The following CHST3 variants were observed in gnomAD, a reference collection of about 807,000 sequenced individuals.
The protein encoded by CHST3 is C6ST-1.
A neutral mutation model predicts 35.4 loss-of-function variants in CHST3; 20 were observed. The observed-to-expected ratio is 0.57, with a 90% CI of 0.40 to 0.82. The LOEUF is 0.82. Ranked by LOEUF, CHST3 falls within the 40% of genes least tolerant of loss-of-function variation. CHST3 has a pLI of 0.00. For synonymous variants in CHST3, 334 were observed against 295.9 expected, an observed-to-expected ratio of 1.13 and a Z score of -1.32; for missense variants, 693 against 670.1, an observed-to-expected ratio of 1.03 and a Z score of -0.38.
intron 1 of CHST3, among the ~76,000 whole-genome samples, chr10:71,992,303 G>A (rs968137588): frequency 2.6e-5 from 4 of 151,982 alleles, no homozygotes; most frequent in South Asian, 2.1e-4. Flanking sequence ...TCAGCCTTCC[G>A]AGTAGTTGGA....
At chr10:71,988,115 G>C (rs1208145935) in intron 1 of CHST3, among the ~76,000 whole-genome samples, 1 of 152,148 alleles carries the variant, frequency 6.6e-6, no homozygotes, top group Non-Finnish European at 1.5e-5. Flanking sequence ...GTTGATGATT[G>C]ATAAAACTGA....
At position 72,009,544 on chromosome 10, in the gene CHST3, G is replaced by A. The variant is rs536272249; in HGVS notation, c.*1073G>A. The stretch of plus-strand genomic sequence containing the variant: ...GGCAGAAGCAGCTGTGGTCCCTGGA[G>A]GCAAAAGGCAGCTCACGGGGCCTTC... On this transcript the variant is annotated 3_prime_UTR_variant, in exon 3 of 3. Coordinates refer to ENST00000373115, the MANE Select transcript of CHST3 (RefSeq NM_004273.5). 1 of 152,410 alleles carries A rather than the reference G, an allele frequency of 6.6e-6. No homozygotes were observed. Among genetic ancestry groups the A allele is most frequent in the African/African-American group, 2.4e-5 (1 of 41,582 alleles). The allele number at this position is 152,410 out of a possible 1,614,324, so 9.4% of individuals were successfully genotyped here. A position where few individuals can be genotyped will look rare whatever the true frequency, so the allele number is the denominator to read the frequency against.
intron 1 of CHST3, among the ~76,000 whole-genome samples, chr10:71,989,293 T>A (rs777248109): frequency 4.6e-5 from 7 of 152,162 alleles, no homozygotes; most frequent in African/African-American, 7.2e-5. Context: ...AAGCTTTTTT[T>A]AAAAATAGCG....
chr10:71,978,606 G>T (rs770430918), intron 1 of CHST3, among the ~76,000 whole-genome samples: 1 of 152,298 alleles, frequency 6.6e-6, no homozygotes, highest in African/African-American at 2.4e-5. Flanking sequence ...TTCTAGAAGC[G>T]CACACATCGA....
At chr10:71,965,770 C>T (rs1172633731) in intron 1 of CHST3, among the ~76,000 whole-genome samples, 2 of 152,170 alleles carry the variant, frequency 1.3e-5, no homozygotes, top group Admixed American at 6.5e-5. Flanking sequence ...GCCAGTGGGC[C>T]TCTGCTGGGT....
rs1393862593 is a variant in CHST3 at position 72,009,514 on chromosome 10, T to A, written c.*1043T>A. On this transcript the variant is annotated 3_prime_UTR_variant, in exon 3 of 3. Coordinates refer to ENST00000373115, the MANE Select transcript of CHST3 (RefSeq NM_004273.5). ...CCATATTTGAAGGCTGCCTCAGGCC[T>A]GGCAGGCAGAAGCAGCTGTGGTCCC... The A allele has an allele frequency of 6.6e-6, 1 of 152,202 alleles. No homozygotes were observed. The highest frequency in any genetic ancestry group is 1.5e-5 in the Non-Finnish European group (1 of 68,040). 9.4% of individuals were successfully genotyped at this position (152,202 alleles called of 1,614,324 possible). A position where few individuals can be genotyped will look rare whatever the true frequency, so the allele number is the denominator to read the frequency against.
At chr10:71,982,375 A>G (rs771745042) in intron 1 of CHST3, among the ~76,000 whole-genome samples, 6 of 152,256 alleles carry the variant, frequency 3.9e-5, no homozygotes, top group Non-Finnish European at 8.8e-5. Context: ...ACTCTCCAGA[A>G]GGAACCCAGG....
At chr10:71,971,968 C>G (rs943778230) in intron 1 of CHST3, among the ~76,000 whole-genome samples, 5 of 152,192 alleles carry the variant, frequency 3.3e-5, no homozygotes, top group African/African-American at 9.7e-5. Context: ...CATGCTATTT[C>G]TCTTTCACTT....
intron 1 of CHST3, among the ~76,000 whole-genome samples, chr10:71,972,880 C>T (rs974810179): frequency 6.6e-6 from 1 of 152,190 alleles, no homozygotes; most frequent in Non-Finnish European, 1.5e-5. Flanking sequence ...CATGGCTGCC[C>T]ACAGGTCCCC....
intron 1 of CHST3, among the ~76,000 whole-genome samples, chr10:72,001,513 G>T (rs544690890): frequency 9.7e-4 from 147 of 151,986 alleles, no homozygotes; most frequent in African/African-American, 3.5e-3. Flanking sequence ...TACTCTGGGT[G>T]CCTAGGCTGG....
chr10:71,969,396 G>A (rs1181137030), intron 1 of CHST3, among the ~76,000 whole-genome samples: 1 of 152,232 alleles, frequency 6.6e-6, no homozygotes, highest in African/African-American at 2.4e-5. Flanking sequence ...CCCAAGGGCT[G>A]AGAGTGGTTA....
At chr10:72,003,717 A>AAGG (rs1554817249) in intron 1 of CHST3, among the ~76,000 whole-genome samples, 7 of 149,348 alleles carry the variant, frequency 4.7e-5, no homozygotes, top group African/African-American at 1.5e-4. Context: ...AAAAAAAAAA[A>AAGG]GGGAATAGAC....
At chr10:72,000,297 A>G (rs1839980915) in intron 1 of CHST3, among the ~76,000 whole-genome samples, 1 of 152,204 alleles carries the variant, frequency 6.6e-6, no homozygotes, top group African/African-American at 2.4e-5. Flanking sequence ...AGTTCTGGGC[A>G]CTGGAGATGC....
rs1052557339 is a variant in CHST3, at chr10:72,008,401, G to C, written c.1370G>C (p.Arg457Pro). The C allele has an allele frequency of 2.5e-6, 4 of 1,571,262 alleles. No homozygotes were observed. The African/African-American group carries it at 5.4e-5, about 21-fold the overall frequency. ...AMRLFGYKLARDAAALTNRSV... is the reference protein window; with the variant it reads ...AMRLFGYKLAPDAAALTNRSV... The stretch of plus-strand genomic sequence containing the variant: ...CGCCTCTTCGGCTACAAACTGGCGC[G>C]GGACGCCGCCGCCCTCACCAACCGC... The change falls in exon 3 of 3, where the codon CGG (arginine) becomes CCG (proline). Residue 457 changes from arginine (R) to proline (P), a missense_variant. Physicochemically the swap from Arg to Pro is moderately radical, Grantham distance 103. Coordinates refer to ENST00000373115, the MANE Select transcript of CHST3 (RefSeq NM_004273.5).
At chr10:71,966,523 C>T (rs1442981318) in intron 1 of CHST3, among the ~76,000 whole-genome samples, 1 of 152,180 alleles carries the variant, frequency 6.6e-6, no homozygotes, top group Non-Finnish European at 1.5e-5. Context: ...TTGTGAAGAG[C>T]TCTGACTAGG....
At chr10:71,996,529 T>C (rs1378424746) in intron 1 of CHST3, among the ~76,000 whole-genome samples, 1 of 152,006 alleles carries the variant, frequency 6.6e-6, no homozygotes, top group Non-Finnish European at 1.5e-5. Flanking sequence ...CAACTGGAGA[T>C]ACTGGTGTGT....
intron 1 of CHST3, among the ~76,000 whole-genome samples, chr10:71,986,484 C>T (rs1326108780): frequency 1.3e-5 from 2 of 152,220 alleles, no homozygotes; most frequent in East Asian, 1.9e-4. Context: ...ACAGAGCAAT[C>T]GCAGCACTCG....
intron 2 of CHST3, 46 bp from the exon 3 acceptor site, chr10:72,007,126 G>A (rs763906569): frequency 8.1e-6 from 13 of 1,603,810 alleles, no homozygotes; most frequent in East Asian, 2.2e-5. Context: ...CCCAGGAGAC[G>A]GGGTCCCCAG....
chr10:72,006,594 A>AC (rs1262741336), intron 2 of CHST3, among the ~76,000 whole-genome samples: 1 of 152,138 alleles, frequency 6.6e-6, no homozygotes, highest in South Asian at 2.1e-4. Flanking sequence ...ACGCCCCTTT[A>AC]CCCCTTTGAA....
Sources: gnomAD v4.1 joint callset for allele counts (sites outside exome capture counted in the v4.1 genomes callset) on GRCh38, gnomAD v4.1.1 for gene constraint, MANE v1.5 for transcripts, NCBI Gene and HGNC (gene_info 2026-07-23, HGNC 2026-07-21) for gene names.